KIAA2012: variants seen among roughly 807,000 people sequenced by gnomAD.
The protein encoded by KIAA2012 is uncharacterized protein KIAA2012.
A neutral mutation model predicts 150.6 loss-of-function variants in KIAA2012; 125 were observed. The observed-to-expected ratio is 0.83, with a 90% confidence interval of 0.72 to 0.96. KIAA2012 has a LOEUF of 0.96. Among genes scored for constraint, KIAA2012 ranks in the 40% least tolerant of loss-of-function variants. The probability of loss-of-function intolerance (pLI) is 0.00; values close to 1 mark genes in which losing one functional copy is unlikely to be tolerated. For missense variants in KIAA2012, 1,219 were observed against 1,354.9 expected, an observed-to-expected ratio of 0.90 and a Z score of 1.57; for synonymous variants, 462 against 504.7, an observed-to-expected ratio of 0.92 and a Z score of 1.13.
At chr2:202,149,875 G>A (rs1322007067) in intron 13 of KIAA2012, among the ~76,000 whole-genome samples, 2 of 152,148 alleles carry the variant, frequency 1.3e-5, no homozygotes, top group Non-Finnish European at 2.9e-5. Flanking sequence ...AAAATTACTG[G>A]GGAGAAGGAT....
At chr2:202,133,292 T>G (rs1203113865) in intron 12 of KIAA2012, among the ~76,000 whole-genome samples, 1 of 150,920 alleles carries the variant, frequency 6.6e-6, no homozygotes, top group Non-Finnish European at 1.5e-5. Context: ...GATTGGAGGG[T>G]TTCTCGCGTG....
intron 12 of KIAA2012, 89 bp downstream of exon 12, chr2:202,125,371 C>T (rs1690758227): frequency 1.0e-6 from 1 of 963,258 alleles, no homozygotes; most frequent in Admixed American, 2.5e-5. Context: ...TCCAGAAACC[C>T]ACAATTTCTC....
intron 14 of KIAA2012, among the ~76,000 whole-genome samples, chr2:202,161,469 A>G (rs1332275292): frequency 6.6e-6 from 1 of 152,094 alleles, no homozygotes; most frequent in Non-Finnish European, 1.5e-5. Flanking sequence ...TTTTTCTTAA[A>G]CTCCGAACTG....
chr2:202,103,133 G>C lies in KIAA2012; in HGVS notation c.1324+19G>C, dbSNP rs1462762757. 1.9e-6 allele frequency: 3 copies of C among 1,549,484 alleles called. No individual in the cohort carries two copies. The South Asian group carries it at 3.6e-5, about 18-fold the overall frequency. ...AGAAGAGGTAGGTCCCGGGTGCATG[G>C]GCACTCCTGAGGGAGAGCCTGGGAT... On this transcript the variant is annotated intron_variant, in intron 8 of 23. Transcript: ENST00000498697.
chr2:202,155,739 G>T (rs1213553502), intron 14 of KIAA2012, among the ~76,000 whole-genome samples: 1 of 152,174 alleles, frequency 6.6e-6, no homozygotes, highest in African/African-American at 2.4e-5. Flanking sequence ...GGTCATGAGG[G>T]TCACCCTCCG....
intron 13 of KIAA2012, among the ~76,000 whole-genome samples, chr2:202,143,171 G>A (rs189767655): frequency 7.6e-5 from 11 of 144,734 alleles, no homozygotes; most frequent in East Asian, 4.1e-4. Context: ...TGCAACCTCC[G>A]CCTCCAGGGT....
At chr2:202,172,938 C>A (rs1373634752) in intron 15 of KIAA2012, among the ~76,000 whole-genome samples, 3 of 152,236 alleles carry the variant, frequency 2.0e-5, no homozygotes, top group Admixed American at 2.0e-4. Context: ...GCCTGCAGTA[C>A]TAGGTGCAAA....
chr2:202,108,874 A>C (rs1350223702), intron 9 of KIAA2012, among the ~76,000 whole-genome samples: 2 of 152,224 alleles, frequency 1.3e-5, no homozygotes, highest in Non-Finnish European at 2.9e-5. Context: ...ATTAATAGCA[A>C]CTATTGTTTT....
At chr2:202,088,149 C>T (rs552474551) in intron 2 of KIAA2012, among the ~76,000 whole-genome samples, 1 of 152,194 alleles carries the variant, frequency 6.6e-6, no homozygotes, top group East Asian at 1.9e-4. Context: ...ATATAAGGGA[C>T]TTGAGCATAC....
chr2:202,158,511 ACTT>A (rs1691582128), intron 14 of KIAA2012, among the ~76,000 whole-genome samples: 3 of 151,952 alleles, frequency 2.0e-5, no homozygotes, highest in Non-Finnish European at 4.4e-5. Flanking sequence ...TTGCATGTGA[ACTT>A]CTCACATTTT....
chr2:202,077,732 A>AAGG (rs1156958145), intron 2 of KIAA2012, among the ~76,000 whole-genome samples: 1 of 152,190 alleles, frequency 6.6e-6, no homozygotes, highest in Non-Finnish European at 1.5e-5. Flanking sequence ...GCACTTTGGG[A>AAGG]AACAGAGGCA....
chr2:202,105,633 C>A, intron 8 of KIAA2012, 128 bp from the exon 9 acceptor site: 1 of 1,243,856 alleles, frequency 8.0e-7, no homozygotes, highest in Non-Finnish European at 1.1e-6. Context: ...TCTCTGGAAT[C>A]AGCAAATGGA....
At position 202,104,183 on chromosome 2, in the gene KIAA2012, T is replaced by C. The variant is rs868403560; in HGVS notation, c.1324+1069T>C. Among the ~76,000 whole-genome samples the C allele has an allele frequency of 2.0e-5, 3 of 152,122 alleles. No homozygotes were observed. The highest frequency in any genetic ancestry group is 2.1e-4 in the South Asian group (1 of 4,828). On this transcript the variant is annotated intron_variant, in intron 8 of 23. Transcript: ENST00000498697. The surrounding 1 kb of genome is among the most constrained non-coding windows in gnomAD (Gnocchi z 4.3). ...TCTCACTCTGGGTTGCTTGTATGGA[T>C]TATAGATTTGTCAAAACTCATTGAA... is the stretch of plus-strand genomic sequence containing the variant.
At chr2:202,166,874 C>T (rs1691778465) in intron 15 of KIAA2012, among the ~76,000 whole-genome samples, 1 of 152,050 alleles carries the variant, frequency 6.6e-6, no homozygotes, top group Non-Finnish European at 1.5e-5. Flanking sequence ...CAGCAACCTC[C>T]AAATCAAAGT....
intron 8 of KIAA2012, among the ~76,000 whole-genome samples, chr2:202,103,735 G>A (rs1575013065): frequency 6.6e-6 from 1 of 152,226 alleles, no homozygotes; most frequent in East Asian, 1.9e-4. Context: ...GAGATTATGT[G>A]CTTCTAAGCA....
chr2:202,196,689 C>A, intron 21 of KIAA2012, 111 bp from the exon 22 acceptor site: 1 of 1,434,138 alleles, frequency 7.0e-7, no homozygotes, highest in Non-Finnish European at 9.3e-7. Context: ...AGGTCAACTG[C>A]AAAATTTCTC....
intron 15 of KIAA2012, among the ~76,000 whole-genome samples, chr2:202,175,221 C>T (rs1691966653): frequency 6.6e-6 from 1 of 152,194 alleles, no homozygotes; most frequent in South Asian, 2.1e-4. Context: ...CTGTCTTCCA[C>T]ATGTCCTGTA....
intron 9 of KIAA2012, 71 bp from the exon 10 acceptor site, chr2:202,109,542 A>G: frequency 7.3e-7 from 1 of 1,378,192 alleles, no homozygotes; most frequent in Non-Finnish European, 9.7e-7. Context: ...ACCAAGTTAG[A>G]AGAGAGCTTC....
chr2:202,128,888 G>A (rs1278133692), intron 12 of KIAA2012, among the ~76,000 whole-genome samples: 4 of 152,028 alleles, frequency 2.6e-5, no homozygotes, highest in Non-Finnish European at 4.4e-5. Context: ...ATCACTTTGT[G>A]CTTAATATTC....
Sources: allele counts gnomAD v4.1 joint callset (sites outside exome capture counted in the v4.1 genomes callset), GRCh38; gene constraint gnomAD v4.1.1; non-coding constraint Gnocchi (gnomAD v3.1); transcripts MANE v1.5; gene names NCBI Gene and HGNC (gene_info 2026-07-23, HGNC 2026-07-21).